ARHGAP32: variants seen among roughly 807,000 people sequenced by gnomAD.
ARHGAP32 encodes Rho GTPase activating protein 32, also known as rho GTPase-activating protein 32.
ARHGAP32 carries 51 observed loss-of-function variants against 186.5 expected under a neutral mutation model. That is an observed-to-expected ratio of 0.27 (90% CI 0.22 to 0.35). The LOEUF is 0.35. Ranked by LOEUF, ARHGAP32 falls within the 10% of genes least tolerant of loss-of-function variation. ARHGAP32 has a pLI of 1.00. For synonymous variants in ARHGAP32, 950 were observed against 964.3 expected (o/e 0.99, Z 0.27); for missense variants, 2,186 against 2,623.5 (o/e 0.83, Z 3.64).
At chr11:129,207,232 A>G (rs542318326) in intron 1 of ARHGAP32, among the ~76,000 whole-genome samples, 6 of 152,088 alleles carry the variant, frequency 3.9e-5, no homozygotes, top group South Asian at 2.1e-4. Flanking sequence ...CGTGTGATTT[A>G]TAATCCTTTG....
At chr11:129,056,127 A>G (rs1210936437) in intron 10 of ARHGAP32, among the ~76,000 whole-genome samples, 1 of 152,248 alleles carries the variant, frequency 6.6e-6, no homozygotes, top group Non-Finnish European at 1.5e-5. Flanking sequence ...GGTAAAGATC[A>G]GCATTTTGCT....
intron 1 of ARHGAP32, among the ~76,000 whole-genome samples, chr11:129,201,294 T>C (rs994146277): frequency 6.6e-6 from 1 of 152,178 alleles, no homozygotes; most frequent in African/African-American, 2.4e-5. Flanking sequence ...GTATTCAAGT[T>C]TGAAAAGTAT....
At chr11:129,135,160 T>C (rs1942906772) in intron 2 of ARHGAP32, among the ~76,000 whole-genome samples, 1 of 152,224 alleles carries the variant, frequency 6.6e-6, no homozygotes, top group Non-Finnish European at 1.5e-5. Flanking sequence ...TAGACTTATC[T>C]GCAGAAATTG....
chr11:129,003,960 T>C (rs1246735412), intron 11 of ARHGAP32, among the ~76,000 whole-genome samples: 13 of 152,004 alleles, frequency 8.6e-5, no homozygotes, highest in Admixed American at 5.9e-4. Flanking sequence ...TTAAAATACA[T>C]TGCTAGGGTG....
At chr11:129,236,556 CCTTTTTTGTTGCATTCA>C (rs1944938414) in intron 1 of ARHGAP32, among the ~76,000 whole-genome samples, 2 of 152,114 alleles carry the variant, frequency 1.3e-5, no homozygotes, top group South Asian at 4.1e-4. Flanking sequence ...CTGTGCAAAA[CCTTTTTTGTTGCATTCA>C]CTTTTGGGTT....
upstream of ARHGAP32, among the ~76,000 whole-genome samples, chr11:129,194,537 G>A (rs1296910280): frequency 6.6e-6 from 1 of 152,174 alleles, no homozygotes; most frequent in Non-Finnish European, 1.5e-5. Flanking sequence ...TGCCATCTGT[G>A]TTTTCAATGA....
intron 6 of ARHGAP32, among the ~76,000 whole-genome samples, chr11:129,080,995 GA>G (rs1262354344): frequency 6.6e-6 from 1 of 151,912 alleles, no homozygotes; most frequent in Non-Finnish European, 1.5e-5. Context: ...GCATAAACTA[GA>G]AAACCTAGAG....
chr11:129,196,196 T>A (rs950258251), upstream of ARHGAP32, among the ~76,000 whole-genome samples: 12 of 152,354 alleles, frequency 7.9e-5, no homozygotes, highest in South Asian at 2.3e-3. Flanking sequence ...TTAAAAGTGC[T>A]GACTTTCCTA....
chr11:129,077,138 C>G (rs545863445), intron 6 of ARHGAP32, among the ~76,000 whole-genome samples: 21 of 152,288 alleles, frequency 1.4e-4, no homozygotes, highest in African/African-American at 4.3e-4. Flanking sequence ...TAGAGAGGCC[C>G]AGGGAAGCCA....
intron 11 of ARHGAP32, among the ~76,000 whole-genome samples, chr11:129,039,211 C>T (rs1939489914): frequency 6.6e-6 from 1 of 152,078 alleles, no homozygotes; most frequent in Admixed American, 6.6e-5. Flanking sequence ...ATATAGTTAC[C>T]ATATGACCCA....
chr11:128,970,511 G>A lies in ARHGAP32; in HGVS notation c.4702C>T (p.Arg1568Trp). 1.2e-6 allele frequency: 2 copies of A among 1,614,150 alleles called. No homozygotes were observed. Among genetic ancestry groups the A allele is most frequent in the Non-Finnish European group, 1.7e-6 (2 of 1,180,016 alleles). ...ASGHHSKPCS[R>W]VEYVSSLSSS... ...CTCAAAGAAGACACATACTCGACCCGGCTGCATGGCTTGGAGTGGTGTCCA... is the reference window on the plus strand; with the variant it reads ...CTCAAAGAAGACACATACTCGACCCAGCTGCATGGCTTGGAGTGGTGTCCA... Residue 1568 changes from arginine (R) to tryptophan (W), a missense_variant, in exon 23 of 23, where the codon CGG becomes TGG. Physicochemically the swap from Arg to Trp is moderately radical, Grantham distance 101. This residue lies in a region of ARHGAP32 where 1,502 missense variants were observed against 1,570.0 expected (regional missense o/e 0.96). Transcript: ENST00000682385. The surrounding 1 kb of genome is among the most constrained non-coding windows in gnomAD (Gnocchi z 5.8).
chr11:129,105,984 A>G (rs1211127885), intron 5 of ARHGAP32, among the ~76,000 whole-genome samples: 1 of 152,184 alleles, frequency 6.6e-6, no homozygotes, highest in Non-Finnish European at 1.5e-5. Context: ...AAAAGGTACA[A>G]TAACTAAAGT....
chr11:129,038,580 T>C (rs1939452758), intron 11 of ARHGAP32, among the ~76,000 whole-genome samples: 2 of 151,736 alleles, frequency 1.3e-5, no homozygotes, highest in African/African-American at 4.9e-5. Context: ...ATCTAGAATA[T>C]ATGAGCAACA....
At chr11:129,206,659 G>A (rs185301933) in intron 1 of ARHGAP32, among the ~76,000 whole-genome samples, 232 of 151,904 alleles carry the variant, frequency 1.5e-3, no homozygotes, top group Middle Eastern at 0.01. Context: ...AAACAGGTTC[G>A]GTATATTCTC....
At chr11:128,975,092 C>T in intron 20 of ARHGAP32, 90 bp from the exon 21 acceptor site, 1 of 1,032,884 alleles carries the variant, frequency 9.7e-7, no homozygotes, top group South Asian at 1.6e-5. Context: ...CAGTAACTTA[C>T]TATCTAGGTG....
Position 129,256,720 on chromosome 11 carries a change from G to A in ARHGAP32, c.-5+22426C>T, listed in dbSNP as rs531891845. Among the ~76,000 whole-genome samples the A allele has an allele frequency of 8.9e-4, 135 of 152,118 alleles. No individual in the cohort carries two copies. The Middle Eastern group carries it at 0.014, about 15-fold the overall frequency. ...AAATCTCCTGAAAGAATATCATAAC[G>A]GGCATGTAAATTATCATATCAGTTA... On this transcript the variant is annotated intron_variant, in intron 1 of 6. Coordinates refer to the ARHGAP32 transcript ENST00000525234.
chr11:129,235,024 G>T (rs1944909909), intron 1 of ARHGAP32, among the ~76,000 whole-genome samples: 1 of 152,110 alleles, frequency 6.6e-6, no homozygotes, highest in Non-Finnish European at 1.5e-5. Flanking sequence ...TTAAGTTAAG[G>T]ATCTTGAGAT....
At chr11:128,972,363 C>G (rs1438371136) in intron 22 of ARHGAP32, 90 bp downstream of exon 22, 9 of 1,395,190 alleles carry the variant, frequency 6.5e-6, no homozygotes, top group Non-Finnish European at 8.6e-6. Context: ...ATTGTTGTGT[C>G]TGACTCAAAG....
chr11:128,974,084 C>T (rs1565349230), intron 21 of ARHGAP32, 40 bp downstream of exon 21: 1 of 1,602,790 alleles, frequency 6.2e-7, no homozygotes, highest in South Asian at 1.1e-5. Context: ...TTGAAGATCC[C>T]TCTTAACTTA....
Sources: allele counts gnomAD v4.1 joint callset (sites outside exome capture counted in the v4.1 genomes callset), GRCh38; gene constraint gnomAD v4.1.1; regional missense constraint gnomAD v4.1.1; non-coding constraint Gnocchi (gnomAD v3.1); transcripts MANE v1.5; gene names NCBI Gene and HGNC (gene_info 2026-07-23, HGNC 2026-07-21).